Variants in HECTD4 observed in about 807,000 individuals in gnomAD.
HECTD4 encodes the protein probable E3 ubiquitin-protein ligase HECTD4.
In HECTD4, 114 loss-of-function variants were observed where a neutral mutation model predicts 471.5. That is an observed-to-expected ratio of 0.24 (90% CI 0.21 to 0.28). HECTD4 has a LOEUF of 0.28. Among genes scored for constraint, HECTD4 ranks in the 10% least tolerant of loss-of-function variants. HECTD4 has a pLI of 1.00. For missense variants in HECTD4, 3,866 were observed against 5,651.5 expected, an observed-to-expected ratio of 0.68 and a Z score of 10.13; for synonymous variants, 2,012 against 2,256.0, an observed-to-expected ratio of 0.89 and a Z score of 3.07.
At chr12:112,212,936 C>T (rs2032807026) in intron 48 of HECTD4, among the ~76,000 whole-genome samples, 1 of 152,186 alleles carries the variant, frequency 6.6e-6, no homozygotes. Context: ...GCTGGGATTA[C>T]AGGCGCCTAC....
At chr12:112,325,042 T>G (rs2035713168) in intron 1 of HECTD4, among the ~76,000 whole-genome samples, 1 of 152,186 alleles carries the variant, frequency 6.6e-6, no homozygotes, top group Admixed American at 6.5e-5. Flanking sequence ...ACAGGGCTAT[T>G]TATTTTTATT....
intron 7 of HECTD4, among the ~76,000 whole-genome samples, chr12:112,290,005 T>C (rs2034842559): frequency 6.6e-6 from 1 of 152,038 alleles, no homozygotes; most frequent in Non-Finnish European, 1.5e-5. Flanking sequence ...GGATAATCAG[T>C]TAATGTTTTA....
At chr12:112,164,327 C>T (rs1039994285) in intron 72 of HECTD4, 52 bp from the exon 73 acceptor site, 14 of 1,558,052 alleles carry the variant, frequency 9.0e-6, no homozygotes, top group Non-Finnish European at 1.2e-5. Flanking sequence ...GGAGGTGGAA[C>T]CCTGATCCCC....
At chr12:112,224,829 A>T (rs1349307516) in intron 44 of HECTD4, among the ~76,000 whole-genome samples, 1 of 152,230 alleles carries the variant, frequency 6.6e-6, no homozygotes, top group African/African-American at 2.4e-5. Flanking sequence ...AGACCTCTTT[A>T]TTCTATAAAA....
intron 59 of HECTD4, among the ~76,000 whole-genome samples, chr12:112,191,184 G>C (rs1442242034): frequency 6.6e-6 from 1 of 152,186 alleles, no homozygotes; most frequent in Non-Finnish European, 1.5e-5. Flanking sequence ...CGCTTACTGG[G>C]GTGGATTTGG....
chr12:112,290,102 C>T (rs1041971871), intron 7 of HECTD4, among the ~76,000 whole-genome samples: 2 of 152,104 alleles, frequency 1.3e-5, no homozygotes, highest in Non-Finnish European at 2.9e-5. Flanking sequence ...TGGTAGATTG[C>T]TTGAGCTCAG....
intron 52 of HECTD4, among the ~76,000 whole-genome samples, chr12:112,205,132 C>CA (rs397851178): frequency 0.28 from 21,379 of 77,460 alleles, 3,605 homozygotes; most frequent in East Asian, 0.84. Context: ...GACTCCATCT[C>CA]AAAAAAAAAA....
chr12:112,367,031 G>A (rs192199466), intron 1 of HECTD4, among the ~76,000 whole-genome samples: 1 of 151,268 alleles, frequency 6.6e-6, no homozygotes, highest in East Asian at 2.0e-4. Context: ...GCTGGGTGTA[G>A]TGGCTCACGC....
intron 5 of HECTD4, 88 bp from the exon 6 acceptor site, chr12:112,308,979 A>G: frequency 4.4e-6 from 6 of 1,354,246 alleles, no homozygotes; most frequent in Non-Finnish European, 5.9e-6. Flanking sequence ...AACATTTTCG[A>G]CCTAATTTTA....
chr12:112,376,238 T>C (rs916523105), intron 1 of HECTD4, among the ~76,000 whole-genome samples: 1 of 152,108 alleles, frequency 6.6e-6, no homozygotes, highest in African/African-American at 2.4e-5. Flanking sequence ...AGCCTCACTC[T>C]GCATTCTTTT....
At chr12:112,211,114 G>C (rs2032747870) in intron 49 of HECTD4, among the ~76,000 whole-genome samples, 1 of 152,154 alleles carries the variant, frequency 6.6e-6, no homozygotes, top group African/African-American at 2.4e-5. Flanking sequence ...CACTTTGGGA[G>C]GCCGAGGTGG....
At position 112,239,234 on chromosome 12, in the gene HECTD4, C is replaced by T; in HGVS notation, c.5108G>A (p.Ser1703Asn). The T allele has an allele frequency of 6.2e-7, 1 of 1,609,608 alleles. No individual in the cohort carries two copies. Among genetic ancestry groups the T allele is most frequent in the East Asian group, 2.2e-5 (1 of 44,750 alleles). The stretch of plus-strand genomic sequence containing the variant: ...ACTGCGTACCAGGCACTTCTCTTCG[C>T]TCCTGACAAAGGGTCATGGATTACA... ...GLLCTIPYTR[S>N]EEKCLVRSGL... Residue 1703 changes from serine to asparagine, a missense_variant and splice_region_variant, in exon 34 of 76, where the codon AGC (serine) becomes AAC (asparagine). By Grantham distance (46) the Ser-to-Asn change is conservative. Coordinates refer to ENST00000682272, the MANE Select transcript of HECTD4 (RefSeq NM_001388303.1). The surrounding 1 kb of genome is among the most constrained non-coding windows in gnomAD (Gnocchi z 4.9).
intron 7 of HECTD4, among the ~76,000 whole-genome samples, chr12:112,299,830 A>G (rs540227999): frequency 6.6e-6 from 1 of 152,288 alleles, no homozygotes; most frequent in South Asian, 2.1e-4. Context: ...TTTTTATTTC[A>G]TGCCGCAGGC....
intron 1 of HECTD4, among the ~76,000 whole-genome samples, chr12:112,357,529 A>G (rs1408562823): frequency 6.6e-6 from 1 of 152,162 alleles, no homozygotes; most frequent in East Asian, 1.9e-4. Context: ...CAAACAAACT[A>G]CTAAAGCAGT....
chr12:112,314,038 T>G (rs780365859), intron 3 of HECTD4, among the ~76,000 whole-genome samples: 1 of 151,996 alleles, frequency 6.6e-6, no homozygotes, highest in Non-Finnish European at 1.5e-5. Flanking sequence ...CATTATAAGC[T>G]ATTGCATCTT....
At position 112,270,444 on chromosome 12, in the gene HECTD4, G is replaced by A. The variant is rs758402749; in HGVS notation, c.1958C>T (p.Thr653Met). ...CAATAATTGGTTTATAACCTCATTC[G>A]TGGTTATAGCCTCTTCTAGAAGATG... ...ITEPKEEAIT[T>M]NEVINQLLHH... Residue 653 changes from threonine to methionine, a missense_variant, in exon 12 of 76, where the codon ACG (threonine) becomes ATG (methionine). Transcript: ENST00000682272. The A allele has an allele frequency of 2.5e-6, 4 of 1,613,856 alleles. No individual in the cohort carries two copies. The highest frequency in any genetic ancestry group is 3.4e-6 in the Non-Finnish European group (4 of 1,179,732).
In HECTD4 at chr12:112,252,410, T is replaced by C; in HGVS notation, c.3552+14A>G. 1 of 1,580,374 alleles carries C rather than the reference T, an allele frequency of 6.3e-7. No individual in the cohort carries two copies. The highest frequency in any genetic ancestry group is 8.6e-7 in the Non-Finnish European group (1 of 1,167,438). ...TAGTACATTTTGTCCACGGCAGTGG[T>C]TAGATTCAAGTACCTGAGCGCGAAC... On this transcript the variant is annotated intron_variant, in intron 23 of 75. Coordinates refer to ENST00000682272, the MANE Select transcript of HECTD4 (RefSeq NM_001388303.1).
At chr12:112,170,840 G>A in intron 68 of HECTD4, 1 of 474,222 alleles carries the variant, frequency 2.1e-6, no homozygotes. Flanking sequence ...GGATGTGGAG[G>A]CCAGATAGTA....
At position 112,236,939 on chromosome 12, in the gene HECTD4, G is replaced by C. The variant is rs774025001; in HGVS notation, c.5444+6C>G. On this transcript the variant is annotated splice_donor_region_variant and intron_variant, in intron 35 of 75. Transcript: ENST00000682272. ...CTCCCAGAGCTCCAGGCTGGACCTT[G>C]CATACCTTGAGAGATCATTGAGAAG... 1 of 1,599,138 alleles carries C rather than the reference G, an allele frequency of 6.3e-7. No individual in the cohort carries two copies. Among genetic ancestry groups the C allele is most frequent in the South Asian group, 1.1e-5 (1 of 88,310 alleles).
Sources: allele counts gnomAD v4.1 joint callset (sites outside exome capture counted in the v4.1 genomes callset), GRCh38; gene constraint gnomAD v4.1.1; non-coding constraint Gnocchi (gnomAD v3.1); transcripts MANE v1.5; gene names NCBI Gene and HGNC (gene_info 2026-07-23, HGNC 2026-07-21).